The following SPATA6 variants were observed in gnomAD, a reference collection of about 807,000 sequenced individuals.
SPATA6 encodes spermatogenesis-associated protein 6.
A neutral mutation model predicts 65.3 loss-of-function variants in SPATA6; 56 were observed. The ratio of observed to expected loss-of-function variants is 0.86; its 90% CI spans 0.69 to 1.07. SPATA6 has a LOEUF of 1.07. Ranked by LOEUF, SPATA6 falls within the 50% of genes least tolerant of loss-of-function variation. The pLI is 0.00. For synonymous variants in SPATA6, 199 were observed against 213.2 expected, an observed-to-expected ratio of 0.93 and a Z score of 0.58; for missense variants, 590 against 594.8, an observed-to-expected ratio of 0.99 and a Z score of 0.08.
At chr1:48,290,224 C>T in the SPATA6 span, among the ~76,000 whole-genome samples, 1 of 152,092 alleles carries the variant, frequency 6.6e-6, no homozygotes, top group African/African-American at 2.4e-5. Flanking sequence ...AATTTTCAAC[C>T]CAGAATCTCA....
intron 10 of SPATA6, among the ~76,000 whole-genome samples, chr1:48,358,907 C>G (rs74625512): frequency 1.3e-5 from 2 of 152,298 alleles, no homozygotes; most frequent in African/African-American, 2.4e-5. Flanking sequence ...AGCATCCAAA[C>G]TAACACACTG....
chr1:48,281,719 T>C, the SPATA6 span, among the ~76,000 whole-genome samples: 2 of 152,054 alleles, frequency 1.3e-5, no homozygotes, highest in African/African-American at 4.8e-5. Context: ...TCCATGCTCA[T>C]GGGTAGGAAG....
intron 3 of SPATA6, among the ~76,000 whole-genome samples, chr1:48,421,014 G>A (rs1426004423): frequency 6.6e-6 from 1 of 152,094 alleles, no homozygotes; most frequent in Non-Finnish European, 1.5e-5. Flanking sequence ...GTAGAGAGCA[G>A]GATAGTAATA....
At chr1:48,328,546 G>A (rs1313101262) in intron 11 of SPATA6, among the ~76,000 whole-genome samples, 1 of 152,140 alleles carries the variant, frequency 6.6e-6, no homozygotes, top group East Asian at 1.9e-4. Flanking sequence ...TATGAAATGT[G>A]CAGAATGGGC....
At chr1:48,384,839 G>C (rs979092097) in intron 9 of SPATA6, among the ~76,000 whole-genome samples, 1 of 152,144 alleles carries the variant, frequency 6.6e-6, no homozygotes, top group African/African-American at 2.4e-5. Context: ...TACATGTAAA[G>C]CATGTGATAC....
At chr1:48,278,998 C>T in the SPATA6 span, among the ~76,000 whole-genome samples, 2 of 152,194 alleles carry the variant, frequency 1.3e-5, no homozygotes, top group Non-Finnish European at 2.9e-5. Flanking sequence ...AGAAACTCTA[C>T]AAGCCAGAAG....
chr1:48,319,192 T>A (rs1645527475), intron 11 of SPATA6, among the ~76,000 whole-genome samples: 1 of 152,110 alleles, frequency 6.6e-6, no homozygotes, highest in South Asian at 2.1e-4. Flanking sequence ...AATTTTTATG[T>A]CCCTAGACTA....
intron 10 of SPATA6, among the ~76,000 whole-genome samples, chr1:48,356,355 T>A (rs901157368): frequency 5.9e-5 from 9 of 151,860 alleles, no homozygotes; most frequent in African/African-American, 2.2e-4. Context: ...AATTCAAAAC[T>A]GACACTAGTA....
chr1:48,403,669 T>C (rs1651400485), intron 6 of SPATA6, 133 bp downstream of exon 6: 1 of 622,164 alleles, frequency 1.6e-6, no homozygotes, highest in Admixed American at 3.4e-5. Flanking sequence ...ACCTATATTG[T>C]TTCACTTCAA....
intron 11 of SPATA6, among the ~76,000 whole-genome samples, chr1:48,314,108 C>A (rs1453061570): frequency 6.6e-6 from 1 of 152,126 alleles, no homozygotes; most frequent in Non-Finnish European, 1.5e-5. Flanking sequence ...TTTGACACCC[C>A]ACTGTCAACA....
At chr1:48,339,250 T>C (rs758995173) in intron 11 of SPATA6, among the ~76,000 whole-genome samples, 8 of 152,014 alleles carry the variant, frequency 5.3e-5, no homozygotes, top group African/African-American at 7.2e-5. Flanking sequence ...TAAGGTCAAA[T>C]TGAGAATCAC....
At chr1:48,432,263 G>T (rs1404794200) in intron 3 of SPATA6, among the ~76,000 whole-genome samples, 1 of 152,044 alleles carries the variant, frequency 6.6e-6, no homozygotes, top group Non-Finnish European at 1.5e-5. Flanking sequence ...ACACAACCAA[G>T]GCAAAAGCAA....
At chr1:48,293,221 T>C (rs1164675313), downstream of SPATA6, among the ~76,000 whole-genome samples, 5 of 152,308 alleles carry the variant, frequency 3.3e-5, no homozygotes, top group East Asian at 1.9e-4. Flanking sequence ...TACCCACAAA[T>C]TGTGAAGAGG....
intron 9 of SPATA6, among the ~76,000 whole-genome samples, chr1:48,362,969 AAAC>A (rs1646862552): frequency 6.6e-6 from 1 of 152,134 alleles, no homozygotes; most frequent in African/African-American, 2.4e-5. Flanking sequence ...ACAAAGTAGG[AAAC>A]AACAATCACG....
intron 11 of SPATA6, among the ~76,000 whole-genome samples, chr1:48,329,773 C>T (rs537731150): frequency 4.6e-5 from 7 of 152,288 alleles, no homozygotes; most frequent in African/African-American, 1.4e-4. Context: ...CTGAGCTCAG[C>T]GCAGAACCAG....
rs200083798 is a variant in SPATA6, at chr1:48,453,279, AGT to A, written c.52-150_52-149del. On this transcript the variant is annotated intron_variant, in intron 1 of 12. Transcript: ENST00000371847. ...AAATAAAGAGAGAGAGACAGAGACT[AGT>A]GTTTACAGAGTTAAATGAAATGCTT... The A allele has an allele frequency of 1.3e-4, 117 of 891,504 alleles. No individual in the cohort carries two copies. In the East Asian group the frequency reaches 3.3e-3, roughly 25 times the overall value. 55.2% of individuals were successfully genotyped at this position (891,504 alleles called of 1,614,324 possible). A position where few individuals can be genotyped will look rare whatever the true frequency, so the allele number is the denominator to read the frequency against.
At chr1:48,310,434 A>C (rs1198152829) in intron 11 of SPATA6, among the ~76,000 whole-genome samples, 1 of 152,204 alleles carries the variant, frequency 6.6e-6, no homozygotes, top group East Asian at 1.9e-4. Flanking sequence ...GACTCGGTCA[A>C]GTTAAAATGC....
chr1:48,319,155 G>A (rs1450296306), intron 11 of SPATA6, among the ~76,000 whole-genome samples: 3 of 152,084 alleles, frequency 2.0e-5, no homozygotes, highest in Non-Finnish European at 4.4e-5. Flanking sequence ...GGCCAATACT[G>A]TAAAACTCTT....
chr1:48,312,414 G>A (rs543052550), intron 11 of SPATA6, among the ~76,000 whole-genome samples: 1 of 152,268 alleles, frequency 6.6e-6, no homozygotes, highest in South Asian at 2.1e-4. Context: ...TGCAGTCTTC[G>A]CTGCTGATAC....
Sources: gnomAD v4.1 joint callset for allele counts (sites outside exome capture counted in the v4.1 genomes callset) on GRCh38, gnomAD v4.1.1 for gene constraint, MANE v1.5 for transcripts, NCBI Gene and HGNC (gene_info 2026-07-23, HGNC 2026-07-21) for gene names.